The following ATP11C variants were observed in gnomAD, a reference collection of about 807,000 sequenced individuals.
The protein encoded by ATP11C is ATPase phospholipid transporting 11C (ATP11C blood group).
In ATP11C, 36 loss-of-function variants were observed where a neutral mutation model predicts 97.4. The observed-to-expected ratio is 0.37, with a 90% CI of 0.28 to 0.49. The LOEUF is 0.49. Ranked by LOEUF, ATP11C falls within the 20% of genes least tolerant of loss-of-function variation. The pLI is 0.98. For synonymous variants in ATP11C, 275 were observed against 290.9 expected, an observed-to-expected ratio of 0.95 and a Z score of 0.56; for missense variants, 730 against 824.6, an observed-to-expected ratio of 0.89 and a Z score of 1.40.
At chrX:139,734,797 C>T (rs1478973508) in intron 28 of ATP11C, among the ~76,000 whole-genome samples, 2 of 111,196 alleles carry the variant, frequency 1.8e-5, no homozygotes, top group Non-Finnish European at 3.8e-5. Context: ...AAAAATTAAC[C>T]TCATTGCTAA....
At chrX:139,813,545 A>G (rs868555281) in intron 5 of ATP11C, among the ~76,000 whole-genome samples, 3 of 112,172 alleles carry the variant, frequency 2.7e-5, no homozygotes, top group Non-Finnish European at 3.8e-5. Flanking sequence ...GTGAATGGAT[A>G]AACTATGGTA....
intron 4 of ATP11C, among the ~76,000 whole-genome samples, chrX:139,815,684 T>C (rs886966471): frequency 8.9e-6 from 1 of 112,155 alleles, no homozygotes; most frequent in African/African-American, 3.2e-5. Context: ...TCATGAATGT[T>C]TGATCATGAC....
At chrX:139,733,132 G>A (rs2081379685) in intron 28 of ATP11C, among the ~76,000 whole-genome samples, 1 of 111,845 alleles carries the variant, frequency 8.9e-6, no homozygotes, top group East Asian at 2.8e-4. Context: ...TGGTTTCCCT[G>A]TTTTTCCTAC....
intron 3 of ATP11C, among the ~76,000 whole-genome samples, chrX:139,817,505 A>G (rs926554857): frequency 8.9e-6 from 1 of 112,807 alleles, no homozygotes; most frequent in Non-Finnish European, 1.9e-5. Context: ...CAGACTGTGC[A>G]GGGCCCTCTA....
At chrX:139,809,375 T>G (rs1362990476) in intron 5 of ATP11C, among the ~76,000 whole-genome samples, 1 of 112,232 alleles carries the variant, frequency 8.9e-6, no homozygotes, top group Non-Finnish European at 1.9e-5. Flanking sequence ...ATAACATGGA[T>G]CAACCTTGAA....
intron 1 of ATP11C, among the ~76,000 whole-genome samples, chrX:139,886,597 A>G (rs1246906351): frequency 2.8e-5 from 3 of 108,765 alleles, no homozygotes; most frequent in African/African-American, 1.0e-4. Context: ...AAAAAAAAAA[A>G]AAAAAAGCAC....
At chrX:139,857,316 C>G (rs957682181) in intron 1 of ATP11C, among the ~76,000 whole-genome samples, 1 of 112,021 alleles carries the variant, frequency 8.9e-6, no homozygotes, top group Admixed American at 9.5e-5. Flanking sequence ...TAAGGAAATA[C>G]AAGGGGAGGG....
At chrX:139,816,066 T>G (rs747686087) in intron 4 of ATP11C, among the ~76,000 whole-genome samples, 22 of 111,904 alleles carry the variant, frequency 2.0e-4, no homozygotes, top group African/African-American at 7.1e-4. Context: ...AACTGAACAC[T>G]TGATAAAATA....
At chrX:139,870,770 C>T (rs973548202) in intron 1 of ATP11C, among the ~76,000 whole-genome samples, 2 of 112,309 alleles carry the variant, frequency 1.8e-5, no homozygotes, top group Non-Finnish European at 3.8e-5. Flanking sequence ...TAAAAAGATA[C>T]ACGCGGCCAG....
chrX:139,809,780 A>G (rs1452533682), intron 5 of ATP11C, among the ~76,000 whole-genome samples: 2 of 111,140 alleles, frequency 1.8e-5, no homozygotes, highest in Non-Finnish European at 3.8e-5. Context: ...CCTGACCAAC[A>G]TGGAGAAACC....
chrX:139,817,566 G>T lies in ATP11C; in HGVS notation c.238-623C>A, dbSNP rs948815406. On this transcript the variant is annotated intron_variant, in intron 3 of 29. Transcript: ENST00000682941. ...ATCCCACAAATAGCAGGAAATCCTT[G>T]AAAGTTTTAAGCAAGGAAAGGTCAC... Among the ~76,000 whole-genome samples, 4 of 112,440 alleles carry T rather than the reference G, an allele frequency of 3.6e-5. No individual in the cohort carries two copies. The Admixed American group carries it at 3.8e-4, about 11-fold the overall frequency.
chrX:139,794,699 C>T (rs900365011), intron 12 of ATP11C, among the ~76,000 whole-genome samples: 1 of 111,870 alleles, frequency 8.9e-6, no homozygotes, highest in African/African-American at 3.2e-5. Context: ...ACTGCATTCC[C>T]ATAGGTAATA....
At chrX:139,760,233 T>C (rs959623351) in intron 22 of ATP11C, among the ~76,000 whole-genome samples, 7 of 111,885 alleles carry the variant, frequency 6.3e-5, no homozygotes, top group Admixed American at 2.8e-4. Context: ...ATAGGATGTT[T>C]GTGAGGATTA....
intron 1 of ATP11C, among the ~76,000 whole-genome samples, chrX:139,855,528 C>T (rs892277519): frequency 9.0e-6 from 1 of 111,652 alleles, no homozygotes; most frequent in African/African-American, 3.3e-5. Context: ...GTCAAGAAAG[C>T]GCCACCCCCT....
chrX:139,802,838 T>C (rs1440980913), intron 6 of ATP11C, among the ~76,000 whole-genome samples: 1 of 112,107 alleles, frequency 8.9e-6, no homozygotes, highest in Non-Finnish European at 1.9e-5. Flanking sequence ...GCTTAATTAA[T>C]GATCTTGAAA....
chrX:139,830,767 T>C (rs2083630690), intron 1 of ATP11C, among the ~76,000 whole-genome samples: 1 of 111,890 alleles, frequency 8.9e-6, no homozygotes, highest in Non-Finnish European at 1.9e-5. Flanking sequence ...AGCCCAAAGC[T>C]ATTTTCTTCT....
chrX:139,745,042 A>T (rs765253672), intron 25 of ATP11C, among the ~76,000 whole-genome samples: 12 of 111,714 alleles, frequency 1.1e-4, no homozygotes, highest in African/African-American at 3.6e-4. Context: ...GAATCTCAGA[A>T]ATAGCAAAGG....
At chrX:139,839,652 C>T (rs185939876) in intron 1 of ATP11C, among the ~76,000 whole-genome samples, 1 of 111,560 alleles carries the variant, frequency 9.0e-6, no homozygotes, top group Non-Finnish European at 1.9e-5. Flanking sequence ...TGAGGGCTAA[C>T]CTAGCTAGGA....
intron 28 of ATP11C, 132 bp from the exon 29 acceptor site, chrX:139,731,887 G>A: frequency 3.5e-6 from 1 of 284,694 alleles, no homozygotes; most frequent in East Asian, 5.6e-5. Context: ...AAGTACAAAT[G>A]ATTACACTAT....
Sources: allele counts gnomAD v4.1 joint callset (sites outside exome capture counted in the v4.1 genomes callset), GRCh38; gene constraint gnomAD v4.1.1; transcripts MANE v1.5; gene names NCBI Gene and HGNC (gene_info 2026-07-23, HGNC 2026-07-21).